The following MEGF6 variants were observed in gnomAD, a reference collection of about 807,000 sequenced individuals.
The protein encoded by MEGF6 is multiple epidermal growth factor-like domains protein 6.
In MEGF6, 184 loss-of-function variants were observed where a neutral mutation model predicts 207.1. The observed-to-expected ratio is 0.89, with a 90% CI of 0.79 to 1.00. The LOEUF (loss-of-function observed/expected upper bound fraction) is 1.00, where lower values mean the gene tolerates loss of function less well. Among genes scored for constraint, MEGF6 ranks in the 50% least tolerant of loss-of-function variants. The pLI is 0.00. For synonymous variants in MEGF6, 1,038 were observed against 910.0 expected, an observed-to-expected ratio of 1.14 and a Z score of -2.53; for missense variants, 2,282 against 2,202.9, an observed-to-expected ratio of 1.04 and a Z score of -0.72.
intron 2 of MEGF6, among the ~76,000 whole-genome samples, chr1:3,600,833 G>T (rs1397337398): frequency 6.6e-6 from 1 of 152,184 alleles, no homozygotes; most frequent in Non-Finnish European, 1.5e-5. Context: ...GCACCAGGGT[G>T]GTAAGAAGCC....
At chr1:3,592,802 G>A (rs1419061397) in intron 3 of MEGF6, among the ~76,000 whole-genome samples, 2 of 152,136 alleles carry the variant, frequency 1.3e-5, no homozygotes, top group Non-Finnish European at 1.5e-5. Flanking sequence ...ATGAAAACAA[G>A]CAAAAGTAAA....
At chr1:3,598,728 C>CG (rs1557808602) in intron 2 of MEGF6, among the ~76,000 whole-genome samples, 6 of 139,044 alleles carry the variant, frequency 4.3e-5, no homozygotes, top group Admixed American at 7.1e-5. Context: ...CCCCCCCCCC[C>CG]CCCGGGGCCC....
intron 4 of MEGF6, among the ~76,000 whole-genome samples, chr1:3,555,837 G>A (rs180895838): frequency 8.8e-4 from 134 of 152,350 alleles, no homozygotes; most frequent in African/African-American, 3.1e-3. Context: ...CCAAGGAAGC[G>A]AGGTATCCTG....
At chr1:3,495,088 G>A (rs1935128) in intron 30 of MEGF6, among the ~76,000 whole-genome samples, 8,955 of 152,282 alleles carry the variant, frequency 0.059, 398 homozygotes, top group East Asian at 0.14. Flanking sequence ...TGGGAGTGAA[G>A]GCACATCCTT....
At chr1:3,544,249 G>A (rs570649121) in intron 4 of MEGF6, among the ~76,000 whole-genome samples, 42 of 149,546 alleles carry the variant, frequency 2.8e-4, no homozygotes, top group South Asian at 8.5e-4. Flanking sequence ...GCATCGCAGC[G>A]GCATCAGGCT....
the MEGF6 span, among the ~76,000 whole-genome samples, chr1:3,618,121 G>C: frequency 6.6e-6 from 1 of 152,100 alleles, no homozygotes; most frequent in Admixed American, 6.5e-5. The surrounding 1 kb of genome is among the most constrained non-coding windows in gnomAD (Gnocchi z 4.7). Context: ...CCATCACCCC[G>C]GCGCCATCCC....
chr1:3,616,265 T>C (rs1228199592), upstream of MEGF6, among the ~76,000 whole-genome samples: 1 of 152,134 alleles, frequency 6.6e-6, no homozygotes, highest in African/African-American at 2.4e-5. Context: ...AACATTTCTG[T>C]CAATCCAAGA....
intron 4 of MEGF6, among the ~76,000 whole-genome samples, chr1:3,579,531 G>T (rs1643740273): frequency 1.3e-5 from 2 of 152,204 alleles, no homozygotes; most frequent in Admixed American, 1.3e-4. Flanking sequence ...CTTTCTAGGG[G>T]GCCAGCGTCC....
intron 4 of MEGF6, among the ~76,000 whole-genome samples, chr1:3,555,377 G>A (rs920466541): frequency 2.6e-5 from 4 of 152,238 alleles, no homozygotes; most frequent in Admixed American, 6.5e-5. Flanking sequence ...GCCTCAGGCC[G>A]CTGGGTGTGG....
chr1:3,599,238 C>G lies in MEGF6; in HGVS notation c.266+3228G>C, dbSNP rs148617066. On this transcript the variant is annotated intron_variant, in intron 2 of 36. Transcript: ENST00000356575. ...GGAAACTGAGGCTTTGGCGGGTTCC[C>G]ACCCTACTGGGTCTCATCCAGCCTG... Among the ~76,000 whole-genome samples, 1,181 of 152,358 alleles carry G rather than the reference C, an allele frequency of 7.8e-3. 10 individuals are homozygous for G. The highest frequency in any genetic ancestry group is 0.027 in the African/African-American group (1,136 of 41,592).
Position 3,556,767 on chromosome 1 carries a change from A to G in MEGF6, c.481+23058T>C, listed in dbSNP as rs1417324354. 6.6e-6 allele frequency among the ~76,000 whole-genome samples: 1 copy of G among 152,168 alleles called. No individual in the cohort carries two copies. The highest frequency in any genetic ancestry group is 1.5e-5 in the Non-Finnish European group (1 of 68,032). On this transcript the variant is annotated intron_variant, in intron 4 of 36. Transcript: ENST00000356575. The surrounding 1 kb of genome is among the most constrained non-coding windows in gnomAD (Gnocchi z 4.4). ...AAGAGGCTCCAGTGAAAACACAAGGATGCAGGTACTTCACGTCCCTGTCCC... is the reference window on the plus strand; with the variant it reads ...AAGAGGCTCCAGTGAAAACACAAGGGTGCAGGTACTTCACGTCCCTGTCCC...
intron 3 of MEGF6, among the ~76,000 whole-genome samples, chr1:3,593,998 G>A (rs1644020983): frequency 6.6e-6 from 1 of 152,192 alleles, no homozygotes; most frequent in South Asian, 2.1e-4. Context: ...CTTCAGCCCC[G>A]GTTTGCAGCC....
intron 5 of MEGF6, among the ~76,000 whole-genome samples, chr1:3,517,016 C>A (rs1483039058): frequency 6.6e-6 from 1 of 152,260 alleles, no homozygotes; most frequent in Non-Finnish European, 1.5e-5. Flanking sequence ...GCCCGGCCTG[C>A]CTCACCTGAG....
Position 3,546,578 on chromosome 1 carries a change from G to A in MEGF6, c.482-22332C>T, listed in dbSNP as rs573837243. On this transcript the variant is annotated intron_variant, in intron 4 of 36. Transcript: ENST00000356575. ...TGGGAAGGGGGCTGCCAGGGAGGCCGCTGAGGCGGGGTGGCAGTGGGCTGG... is the reference window on the plus strand; with the variant it reads ...TGGGAAGGGGGCTGCCAGGGAGGCCACTGAGGCGGGGTGGCAGTGGGCTGG... Among the ~76,000 whole-genome samples the A allele has an allele frequency of 1.8e-3, 265 of 146,076 alleles. 1 individual carries two copies. The highest frequency in any genetic ancestry group is 5.4e-3 in the African/African-American group (213 of 39,278).
chr1:3,581,377 C>T (rs575014468), intron 3 of MEGF6, among the ~76,000 whole-genome samples: 1 of 152,328 alleles, frequency 6.6e-6, no homozygotes, highest in African/African-American at 2.4e-5. Flanking sequence ...CCTCTTCCCT[C>T]CAGCCAAACA....
intron 2 of MEGF6, among the ~76,000 whole-genome samples, chr1:3,599,256 C>T (rs1052203289): frequency 3.9e-5 from 6 of 152,246 alleles, no homozygotes; most frequent in African/African-American, 1.4e-4. Flanking sequence ...TGGGTCTCAT[C>T]CAGCCTGCTG....
chr1:3,503,670 GTA>G (rs1044279529), intron 17 of MEGF6, among the ~76,000 whole-genome samples: 3 of 150,638 alleles, frequency 2.0e-5, no homozygotes, highest in Non-Finnish European at 4.4e-5. Flanking sequence ...GCATTCATGT[GTA>G]TGTGTGTGTA....
In MEGF6 at chr1:3,560,704, C is replaced by A. The variant is rs749091817; in HGVS notation, c.481+19121G>T. ...CCCTCCCCATCTGTGGTTTCCAGGG[C>A]AACCCTGGAAACCAAGAGTGGGTCG... On this transcript the variant is annotated intron_variant, in intron 4 of 36. Transcript: ENST00000356575. The surrounding 1 kb of genome is among the most constrained non-coding windows in gnomAD (Gnocchi z 4.0). The A allele has an allele frequency of 6.6e-6, 3 of 456,722 alleles. No individual in the cohort carries two copies. In the Admixed American group the frequency reaches 7.3e-5, roughly 11 times the overall value. The allele number at this position is 456,722 out of a possible 1,614,324, so 28.3% of individuals were successfully genotyped here.
At chr1:3,574,091 C>T (rs906820391) in intron 4 of MEGF6, among the ~76,000 whole-genome samples, 1 of 152,006 alleles carries the variant, frequency 6.6e-6, no homozygotes, top group African/African-American at 2.4e-5. Context: ...CTGCTTGAGG[C>T]AGGGAAACCG....
Sources: gnomAD v4.1 joint callset for allele counts (sites outside exome capture counted in the v4.1 genomes callset) on GRCh38, gnomAD v4.1.1 for gene constraint, Gnocchi (gnomAD v3.1) non-coding constraint, MANE v1.5 for transcripts, NCBI Gene and HGNC (gene_info 2026-07-23, HGNC 2026-07-21) for gene names.